Variants in MBNL2 observed in about 807,000 individuals in gnomAD.
The protein encoded by MBNL2 is muscleblind-like protein 2.
A neutral mutation model predicts 41.9 loss-of-function variants in MBNL2; 17 were observed. The observed-to-expected ratio is 0.41, with a 90% CI of 0.28 to 0.61. MBNL2 has a LOEUF of 0.61. MBNL2 is among the 20% of genes least tolerant of loss of function. The pLI, the probability that MBNL2 is intolerant of heterozygous loss-of-function variation, is 0.35. For synonymous variants in MBNL2, 195 were observed against 182.9 expected, an observed-to-expected ratio of 1.07 and a Z score of -0.53; for missense variants, 336 against 505.6, an observed-to-expected ratio of 0.66 and a Z score of 3.22.
chr13:97,147,993 C>T, the MBNL2 span, among the ~76,000 whole-genome samples: 2 of 152,118 alleles, frequency 1.3e-5, no homozygotes, highest in South Asian at 2.1e-4. Flanking sequence ...AGACGCCAGT[C>T]AATGCTCTGT....
rs999824577 is a variant in MBNL2 at position 97,276,249 on chromosome 13, T to G, written c.14T>G (p.Val5Gly). 1.2e-6 allele frequency: 2 copies of G among 1,613,684 alleles called. No individual in the cohort carries two copies. The highest frequency in any genetic ancestry group is 1.1e-5 in the South Asian group (1 of 91,004). The change falls in exon 2 of 9, where the codon GTT becomes GGT. Residue 5 changes from valine to glycine, a missense_variant. Transcript: ENST00000679496. MALN[V>G]APVRDTKWLT... The stretch of plus-strand genomic sequence containing the variant: ...TACTTTATCACCATGGCTTTGAACG[T>G]TGCCCCAGTCAGAGATACAAAATGG...
At chr13:97,384,213 T>G (rs1348972896) in intron 8 of MBNL2, among the ~76,000 whole-genome samples, 1 of 152,144 alleles carries the variant, frequency 6.6e-6, no homozygotes, top group Non-Finnish European at 1.5e-5. Flanking sequence ...TATTTAAAAT[T>G]TTATAGTCAT....
At chr13:97,288,052 C>A (rs1438731657) in intron 2 of MBNL2, among the ~76,000 whole-genome samples, 1 of 150,944 alleles carries the variant, frequency 6.6e-6, no homozygotes, top group Non-Finnish European at 1.5e-5. Flanking sequence ...GGGATTACAG[C>A]CATGAGCCAC....
intron 2 of MBNL2, among the ~76,000 whole-genome samples, chr13:97,292,496 T>G (rs1326035695): frequency 6.6e-6 from 1 of 152,370 alleles, no homozygotes; most frequent in East Asian, 1.9e-4. Context: ...GTCTTGAGAT[T>G]GGCTCCAGTC....
At chr13:97,377,298 G>A (rs75057512) in intron 8 of MBNL2, among the ~76,000 whole-genome samples, 1,902 of 152,278 alleles carry the variant, frequency 0.012, 46 homozygotes, top group African/African-American at 0.043. Context: ...TATTTCCAAT[G>A]AGGAAAAGGA....
intron 1 of MBNL2, among the ~76,000 whole-genome samples, chr13:97,259,124 A>T (rs1234800629): frequency 2.0e-5 from 3 of 152,130 alleles, no homozygotes; most frequent in African/African-American, 7.2e-5. Context: ...TTTTCTGCTG[A>T]TGGCCTTCAG....
the MBNL2 span, among the ~76,000 whole-genome samples, chr13:97,162,735 T>C: frequency 6.6e-6 from 1 of 152,230 alleles, no homozygotes; most frequent in Admixed American, 6.5e-5. Flanking sequence ...AACATACTCA[T>C]CTGTGCATAC....
chr13:97,228,013 G>A (rs1024346454), intron 1 of MBNL2, among the ~76,000 whole-genome samples: 1 of 152,198 alleles, frequency 6.6e-6, no homozygotes, highest in African/African-American at 2.4e-5. Context: ...AAAATTCAAA[G>A]CATTCAATTT....
intron 8 of MBNL2, among the ~76,000 whole-genome samples, chr13:97,376,136 A>T (rs2064944927): frequency 6.6e-6 from 1 of 152,192 alleles, no homozygotes; most frequent in Middle Eastern, 3.2e-3. Flanking sequence ...TCATCGACAA[A>T]GTGATGAAAC....
At chr13:97,250,538 ATT>A (rs35253440) in intron 1 of MBNL2, among the ~76,000 whole-genome samples, 1 of 151,360 alleles carries the variant, frequency 6.6e-6, no homozygotes, top group Non-Finnish European at 1.5e-5. Context: ...GCTCTCTTCA[ATT>A]TTTTTTTTAA....
rs368769466 is a variant in MBNL2 at position 97,383,054 on chromosome 13, CT to C, written c.1049-8267del. Among the ~76,000 whole-genome samples the C allele has an allele frequency of 2.6e-5, 4 of 152,308 alleles. 1 individual carries two copies. Among genetic ancestry groups the C allele is most frequent in the African/African-American group, 9.6e-5 (4 of 41,568 alleles). On this transcript the variant is annotated intron_variant, in intron 8 of 8. Transcript: ENST00000679496. ...GGAAAGAAAAGTCTCCTTCTCATGC[CT>C]CTTTACCTTCATCCTCATTTATATC...
intron 1 of MBNL2, among the ~76,000 whole-genome samples, chr13:97,273,099 T>C (rs2051417891): frequency 6.6e-6 from 1 of 152,214 alleles, no homozygotes. Context: ...GTACCTATGT[T>C]TACCTCTTTC....
chr13:97,380,374 A>G (rs563428764), intron 8 of MBNL2, among the ~76,000 whole-genome samples: 1 of 152,098 alleles, frequency 6.6e-6, no homozygotes, highest in African/African-American at 2.4e-5. Context: ...GGCATCTGTA[A>G]TCCCAGCTAC....
the MBNL2 span, among the ~76,000 whole-genome samples, chr13:97,173,204 T>C: frequency 6.6e-6 from 1 of 152,190 alleles, no homozygotes; most frequent in Non-Finnish European, 1.5e-5. Flanking sequence ...TTCCTTGTCA[T>C]TCCAATTTTC....
the MBNL2 span, among the ~76,000 whole-genome samples, chr13:97,189,132 G>C: frequency 6.6e-6 from 1 of 151,746 alleles, no homozygotes; most frequent in Non-Finnish European, 1.5e-5. Context: ...GGCCTCAAGC[G>C]ACCCCCTAAC....
the MBNL2 span, among the ~76,000 whole-genome samples, chr13:97,189,292 T>C: frequency 6.6e-6 from 1 of 152,204 alleles, no homozygotes; most frequent in African/African-American, 2.4e-5. Context: ...TGATGGAGAC[T>C]GTGCCTTCCA....
At chr13:97,158,789 AT>A in the MBNL2 span, among the ~76,000 whole-genome samples, 1 of 151,974 alleles carries the variant, frequency 6.6e-6, no homozygotes, top group Admixed American at 6.6e-5. Flanking sequence ...CTTCTTTTAC[AT>A]TTGCTGAGGA....
At chr13:97,243,010 T>G (rs1327524932) in intron 1 of MBNL2, among the ~76,000 whole-genome samples, 2 of 152,142 alleles carry the variant, frequency 1.3e-5, no homozygotes, top group Non-Finnish European at 2.9e-5. Flanking sequence ...CTTCTTGCCC[T>G]CTATCAGCCT....
the MBNL2 span, among the ~76,000 whole-genome samples, chr13:97,154,272 A>C: frequency 1.3e-5 from 2 of 152,140 alleles, no homozygotes; most frequent in African/African-American, 2.4e-5. Flanking sequence ...TTTAGCTTTC[A>C]CAGAGGCTTT....
Sources: gnomAD v4.1 joint callset for allele counts (sites outside exome capture counted in the v4.1 genomes callset) on GRCh38, gnomAD v4.1.1 for gene constraint, MANE v1.5 for transcripts, NCBI Gene and HGNC (gene_info 2026-07-23, HGNC 2026-07-21) for gene names.